COPS6: variants seen among roughly 807,000 people sequenced by gnomAD.
The protein encoded by COPS6 is COP9 signalosome subunit 6.
Under a neutral mutation model 41.0 loss-of-function variants are expected in COPS6, and 9 were observed. That is an observed-to-expected ratio of 0.22 (90% CI 0.13 to 0.38). The LOEUF (loss-of-function observed/expected upper bound fraction) is 0.38, where lower values mean the gene tolerates loss of function less well. COPS6 is among the 10% of genes least tolerant of loss of function. COPS6 has a pLI of 1.00. For synonymous variants in COPS6, 179 were observed against 162.9 expected (o/e 1.10, Z -0.75); for missense variants, 302 against 436.7 (o/e 0.69, Z 2.75).
Position 100,091,464 on chromosome 7 carries a change from CTG to C in COPS6, c.791_792del (p.Cys264SerfsTer17). The C allele has an allele frequency of 6.2e-7, 1 of 1,614,202 alleles. No homozygotes were observed. The stretch of plus-strand genomic sequence containing the variant: ...TGAGATCCTGCGGGAGGCCTATGCT[CTG>C]TGTCACTGTCTCCCGGTGCTCAGCA... Reference protein sequence around the residue: ...NHEILREAYALCHCLPVLSTD... With the variant: ...NHEILREAYAXCHCLPVLSTD... On this transcript the variant is annotated frameshift_variant, in exon 9 of 10. Transcript: ENST00000303904. LOFTEE classifies it high-confidence loss of function. The surrounding 1 kb of genome is among the most constrained non-coding windows in gnomAD (Gnocchi z 4.1).
At chr7:100,089,513 C>G in intron 2 of COPS6, 98 bp downstream of exon 2, 2 of 1,602,000 alleles carry the variant, frequency 1.2e-6, no homozygotes, top group Non-Finnish European at 8.5e-7. Context: ...TCCCCCTCCC[C>G]CAAATCATCG....
chr7:100,090,850 G>T, intron 5 of COPS6, 52 bp from the exon 6 acceptor site: 1 of 1,599,294 alleles, frequency 6.3e-7, no homozygotes, highest in Non-Finnish European at 8.6e-7. Context: ...TGTAAAAGCA[G>T]CTAGCCCAAA....
In COPS6 at chr7:100,092,108, C is replaced by T. The variant is rs913734923; in HGVS notation, c.*319C>T. ...GGCTGCCTGCTTCCACCTAAGTGGT[C>T]TCTGTTCTACACTTTAATGTCACCC... On this transcript the variant is annotated 3_prime_UTR_variant, in exon 10 of 10. Coordinates refer to ENST00000303904, the MANE Select transcript of COPS6 (RefSeq NM_006833.5). 4 of 363,358 alleles carry T rather than the reference C, an allele frequency of 1.1e-5. No homozygotes were observed. The highest frequency in any genetic ancestry group is 6.2e-5 in the African/African-American group (3 of 48,780). The allele number at this position is 363,358 out of a possible 1,614,324, so 22.5% of individuals were successfully genotyped here. A position where few individuals can be genotyped will look rare whatever the true frequency, so the allele number is the denominator to read the frequency against.
In COPS6 at chr7:100,091,220, GTCC is replaced by G; in HGVS notation, c.650-15_650-13del. On this transcript the variant is annotated splice_polypyrimidine_tract_variant and intron_variant, in intron 7 of 9. Coordinates refer to ENST00000303904, the MANE Select transcript of COPS6 (RefSeq NM_006833.5). This position sits in a 1 kb window ranked among gnomAD's most constrained non-coding sequence, Gnocchi z 4.1. The stretch of plus-strand genomic sequence containing the variant: ...CCACATCCCGTCTCAACCTCCTCCT[GTCC>G]TCATCCCCTTGCAGTGGCTGAACAC... 1.2e-6 allele frequency: 2 copies of G among 1,614,158 alleles called. No individual in the cohort carries two copies. Among genetic ancestry groups the G allele is most frequent in the Non-Finnish European group, 1.7e-6 (2 of 1,179,968 alleles).
chr7:100,091,619 G>T lies in COPS6; in HGVS notation c.844-30G>T, dbSNP rs768730926. 1 of 1,614,044 alleles carries T rather than the reference G, an allele frequency of 6.2e-7. No homozygotes were observed. Among genetic ancestry groups the T allele is most frequent in the Admixed American group, 1.7e-5 (1 of 60,016 alleles). ...CCCCGGGCATGCCACGAGGGATCCC[G>T]AGGAACTGGTCCTTTCTGTTCCCTC... On this transcript the variant is annotated intron_variant, in intron 9 of 9. Coordinates refer to ENST00000303904, the MANE Select transcript of COPS6 (RefSeq NM_006833.5). The surrounding 1 kb of genome is among the most constrained non-coding windows in gnomAD (Gnocchi z 4.1).
At position 100,089,017 on chromosome 7, in the gene COPS6, A is replaced by G; in HGVS notation, c.27A>G (p.Ala9=). 2 of 1,315,730 alleles carry G rather than the reference A, an allele frequency of 1.5e-6. No homozygotes were observed. Among genetic ancestry groups the G allele is most frequent in the Non-Finnish European group, 1.9e-6 (2 of 1,029,248 alleles). 81.5% of individuals were successfully genotyped at this position (1,315,730 alleles called of 1,614,324 possible). A position where few individuals can be genotyped will look rare whatever the true frequency, so the allele number is the denominator to read the frequency against. The change falls in exon 1 of 10, where the codon GCA becomes GCG. Residue 9 remains alanine (A), a synonymous_variant. Coordinates refer to ENST00000303904, the MANE Select transcript of COPS6 (RefSeq NM_006833.5). MAAAAAAA[A]ATNGTGGSSG... The stretch of plus-strand genomic sequence containing the variant: ...TGGCGGCGGCGGCGGCGGCGGCTGC[A>G]GCTACGAACGGGACCGGAGGAAGCA...
chr7:100,091,473 T>C lies in COPS6; in HGVS notation c.796T>C (p.Cys266Arg). The C allele has an allele frequency of 6.2e-7, 1 of 1,614,230 alleles. No homozygotes were observed. Among genetic ancestry groups the C allele is most frequent in the Middle Eastern group, 1.6e-4 (1 of 6,062 alleles). Reference sequence around the variant, plus strand: ...GCGGGAGGCCTATGCTCTGTGTCACTGTCTCCCGGTGCTCAGCACAGACAA... The same window carrying C: ...GCGGGAGGCCTATGCTCTGTGTCACCGTCTCCCGGTGCTCAGCACAGACAA... The part of the protein sequence containing the change: ...ILREAYALCH[C>R]LPVLSTDKFK... Residue 266 changes from cysteine (C) to arginine (R), a missense_variant, in exon 9 of 10, where the codon TGT (cysteine) becomes CGT (arginine). Physicochemically the swap from Cys to Arg is radical, Grantham distance 180. Transcript: ENST00000303904. The surrounding 1 kb of genome is among the most constrained non-coding windows in gnomAD (Gnocchi z 4.1).
Position 100,089,428 on chromosome 7 carries a change from CAT to C in COPS6, c.202+15_202+16del. 1 of 1,614,012 alleles carries C rather than the reference CAT, an allele frequency of 6.2e-7. No individual in the cohort carries two copies. Among genetic ancestry groups the C allele is most frequent in the Non-Finnish European group, 8.5e-7 (1 of 1,180,002 alleles). ...CGGCCTGTGCAGGGTGAGTGTTGGG[CAT>C]AGACTCCAGTCTCTTCTCCTTGCTC... On this transcript the variant is annotated intron_variant, in intron 2 of 9. Transcript: ENST00000303904.
At chr7:100,089,779 G>A (rs1438506818) in intron 3 of COPS6, 33 bp downstream of exon 3, 1 of 1,602,878 alleles carries the variant, frequency 6.2e-7, no homozygotes, top group Non-Finnish European at 8.5e-7. Flanking sequence ...GAAGAGGAGT[G>A]GGAGTTAAAA....
At chr7:100,089,229 A>G in intron 1 of COPS6, 61 bp from the exon 2 acceptor site, 2 of 1,562,950 alleles carry the variant, frequency 1.3e-6, no homozygotes, top group Non-Finnish European at 1.7e-6. Context: ...CCCCACTGCC[A>G]TCTCCAGGGA....
At chr7:100,089,582 C>T in intron 2 of COPS6, 33 bp from the exon 3 acceptor site, 2 of 1,607,702 alleles carry the variant, frequency 1.2e-6, no homozygotes, top group South Asian at 2.2e-5. Context: ...AGTTTCTTTA[C>T]CCTCACCTTT....
In COPS6 at chr7:100,090,574, A is replaced by C. The variant is rs776550218; in HGVS notation, c.424-18A>C. The C allele has an allele frequency of 6.2e-7, 1 of 1,613,782 alleles. No individual in the cohort carries two copies. Among genetic ancestry groups the C allele is most frequent in the Non-Finnish European group, 8.5e-7 (1 of 1,179,722 alleles). On this transcript the variant is annotated intron_variant, in intron 4 of 9. Coordinates refer to ENST00000303904, the MANE Select transcript of COPS6 (RefSeq NM_006833.5). The stretch of plus-strand genomic sequence containing the variant: ...GGTAGGGGGCACTGACTTCCTGTGC[A>C]TTGTCCCTCTCTTCCAGGTGTGTGA...
In COPS6 at chr7:100,091,285, A is replaced by G. The variant is rs1217802178; in HGVS notation, c.697A>G (p.Ser233Gly). The change falls in exon 8 of 10, where the codon AGC becomes GGC. Residue 233 changes from serine (S) to glycine (G), a missense_variant. Physicochemically the swap from Ser to Gly is moderately conservative, Grantham distance 56 (BLOSUM62 0). Around this residue, in one of 3 missense-constraint regions of COPS6, gnomAD observed 222 missense variants for 309.0 expected, o/e 0.72. Coordinates refer to ENST00000303904, the MANE Select transcript of COPS6 (RefSeq NM_006833.5). This position sits in a 1 kb window ranked among gnomAD's most constrained non-coding sequence, Gnocchi z 4.1. ...AQHSAIKMLH[S>G]RVKLILEYVK... The stretch of plus-strand genomic sequence containing the variant: ...GCACAGCGCCATCAAGATGCTGCAC[A>G]GCCGCGTCAAGCTCATCTTGGAGTA... The G allele has an allele frequency of 1.9e-6, 3 of 1,614,080 alleles. No homozygotes were observed. The highest frequency in any genetic ancestry group is 1.1e-5 in the South Asian group (1 of 91,086).
chr7:100,089,013 C>T lies in COPS6; in HGVS notation c.23C>T (p.Ala8Val). Reference protein sequence around the residue: MAAAAAAAAATNGTGGSS... With the variant: MAAAAAAVAATNGTGGSS... ...AAAATGGCGGCGGCGGCGGCGGCGGCTGCAGCTACGAACGGGACCGGAGGA... is the reference window on the plus strand; with the variant it reads ...AAAATGGCGGCGGCGGCGGCGGCGGTTGCAGCTACGAACGGGACCGGAGGA... Residue 8 changes from alanine (A) to valine (V), a missense_variant, in exon 1 of 10, where the codon GCT (alanine) becomes GTT (valine). Coordinates refer to ENST00000303904, the MANE Select transcript of COPS6 (RefSeq NM_006833.5). 1 of 1,315,724 alleles carries T rather than the reference C, an allele frequency of 7.6e-7. No homozygotes were observed. Among genetic ancestry groups the T allele is most frequent in the African/African-American group, 1.5e-5 (1 of 65,104 alleles). The allele number at this position is 1,315,724 out of a possible 1,614,324, so 81.5% of individuals were successfully genotyped here.
At chr7:100,089,247 G>A in intron 1 of COPS6, 43 bp from the exon 2 acceptor site, 1 of 1,587,178 alleles carries the variant, frequency 6.3e-7, no homozygotes, top group Non-Finnish European at 8.6e-7. Context: ...GGAAGAACGT[G>A]GGGCCCGGAC....
chr7:100,092,010 T>G lies in COPS6; in HGVS notation c.*221T>G, dbSNP rs1795336624. 1.7e-6 allele frequency: 1 copy of G among 581,962 alleles called. No individual in the cohort carries two copies. Among genetic ancestry groups the G allele is most frequent in the Admixed American group, 3.1e-5 (1 of 32,666 alleles). The allele number at this position is 581,962 out of a possible 1,614,324, so 36.0% of individuals were successfully genotyped here. A position where few individuals can be genotyped will look rare whatever the true frequency, so the allele number is the denominator to read the frequency against. ...TTGCTCAGAAGCCCTTCTGATGCTC[T>G]TCAGTGAGGGAGGCACTACCATTTG... On this transcript the variant is annotated 3_prime_UTR_variant, in exon 10 of 10. Transcript: ENST00000303904.
In COPS6 at chr7:100,090,469, C is replaced by T; in HGVS notation, c.405C>T (p.Asp135=). The T allele has an allele frequency of 6.2e-7, 1 of 1,614,036 alleles. No homozygotes were observed. The highest frequency in any genetic ancestry group is 1.1e-5 in the South Asian group (1 of 91,088). Residue 135 remains aspartate, a synonymous_variant, in exon 4 of 10, where the codon GAC becomes GAT. Transcript: ENST00000303904. ...YTTGGPPDPS[D]IHVHKQVCEI... is the part of the protein sequence containing the mutation. ...CAGGGGGGCCACCTGACCCCTCGGA[C>T]ATCCACGTCCATAAGCAGGTATGCA...
intron 2 of COPS6, 60 bp from the exon 3 acceptor site, chr7:100,089,555 G>A: frequency 5.6e-6 from 9 of 1,601,088 alleles, no homozygotes; most frequent in Non-Finnish European, 7.7e-6. Context: ...ACTGATCTCA[G>A]ACCCTCAGGT....
rs752949975 is a variant in COPS6 at position 100,090,875 on chromosome 7, G to A, written c.487-27G>A. ...GCTAGCCCAAATGTTGGCATATAGT[G>A]TTCAGGTTTCTCCGTCTCCTTCACA... On this transcript the variant is annotated intron_variant, in intron 5 of 9. Coordinates refer to ENST00000303904, the MANE Select transcript of COPS6 (RefSeq NM_006833.5). 7 of 1,613,760 alleles carry A rather than the reference G, an allele frequency of 4.3e-6. No homozygotes were observed. The Admixed American group carries it at 8.3e-5, about 19-fold the overall frequency.
Sources: gnomAD v4.1 joint callset for allele counts on GRCh38, gnomAD v4.1.1 for gene constraint, gnomAD v4.1.1 regional missense constraint, Gnocchi (gnomAD v3.1) non-coding constraint, MANE v1.5 for transcripts, NCBI Gene and HGNC (gene_info 2026-07-23, HGNC 2026-07-21) for gene names.